Variants in RALYL observed in about 807,000 individuals in gnomAD.
RALYL encodes the protein RNA-binding Raly-like protein.
A neutral mutation model predicts 35.1 loss-of-function variants in RALYL; 29 were observed. The observed-to-expected ratio is 0.83, with a 90% CI of 0.61 to 1.13. The LOEUF (loss-of-function observed/expected upper bound fraction) is 1.13. RALYL is among the 50% of genes most tolerant of loss of function. The pLI, the probability that RALYL is intolerant of heterozygous loss-of-function variation, is 0.00. For missense variants in RALYL, 359 were observed against 360.4 expected (o/e 1.00, Z 0.03); for synonymous variants, 120 against 127.6 (o/e 0.94, Z 0.40).
chr8:84,794,766 C>G (rs1821531278), intron 3 of RALYL, among the ~76,000 whole-genome samples: 2 of 152,182 alleles, frequency 1.3e-5, no homozygotes, highest in East Asian at 3.9e-4. Context: ...GGAGAATCTG[C>G]CAGTGGTTAA....
intron 1 of RALYL, among the ~76,000 whole-genome samples, chr8:84,391,723 C>T (rs1028316319): frequency 1.3e-5 from 2 of 151,964 alleles, no homozygotes; most frequent in Admixed American, 6.6e-5. Context: ...AGTCTTTACC[C>T]CCCAGTAAGT....
At chr8:84,395,707 CAG>C (rs35848610) in intron 1 of RALYL, among the ~76,000 whole-genome samples, 13,911 of 151,868 alleles carry the variant, frequency 0.092, 940 homozygotes, top group African/African-American at 0.19. Context: ...AGTCTAATAA[CAG>C]AGAACATTTG....
chr8:84,260,497 T>C (rs924546656), intron 1 of RALYL, among the ~76,000 whole-genome samples: 1 of 152,124 alleles, frequency 6.6e-6, no homozygotes, highest in Admixed American at 6.6e-5. Context: ...AGAGAGAACA[T>C]GGAAGCTGCC....
rs191757441 is a variant in RALYL, at chr8:84,454,140, C to T, written c.-23-75159C>T. 2.0e-5 allele frequency among the ~76,000 whole-genome samples: 3 copies of T among 151,912 alleles called. No homozygotes were observed. The East Asian group carries it at 5.9e-4, about 30-fold the overall frequency. On this transcript the variant is annotated intron_variant, in intron 1 of 8. Transcript: ENST00000521268. ...ATATACTGTGATGTGGGGTGTGTGC[C>T]ACGTGGGCATCAGCAAGGAAGAGAT...
At chr8:84,761,013 CTG>C (rs1379121013) in intron 2 of RALYL, among the ~76,000 whole-genome samples, 2 of 152,004 alleles carry the variant, frequency 1.3e-5, no homozygotes, top group African/African-American at 4.8e-5. Flanking sequence ...TAAAAGCACT[CTG>C]TGAATGGAGG....
At chr8:84,670,562 T>G (rs1833007580) in intron 2 of RALYL, among the ~76,000 whole-genome samples, 1 of 152,196 alleles carries the variant, frequency 6.6e-6, no homozygotes, top group African/African-American at 2.4e-5. Context: ...TATTTCCACA[T>G]AGCTGGGAAG....
intron 2 of RALYL, among the ~76,000 whole-genome samples, chr8:84,763,192 T>C (rs1349016149): frequency 1.3e-5 from 2 of 152,090 alleles, no homozygotes; most frequent in African/African-American, 2.4e-5. Flanking sequence ...ATTAAGTCCA[T>C]ATATACGCGT....
chr8:84,342,759 G>A (rs965978138), intron 1 of RALYL, among the ~76,000 whole-genome samples: 1 of 151,972 alleles, frequency 6.6e-6, no homozygotes, highest in African/African-American at 2.4e-5. Flanking sequence ...TTCCTTTGGT[G>A]TATGAACATA....
intron 1 of RALYL, among the ~76,000 whole-genome samples, chr8:84,526,657 G>T (rs1370673762): frequency 6.6e-6 from 1 of 152,158 alleles, no homozygotes; most frequent in Non-Finnish European, 1.5e-5. Flanking sequence ...TAGCTCTCTT[G>T]TCTCAAGAAA....
At chr8:84,826,572 G>A (rs1454674062) in intron 4 of RALYL, among the ~76,000 whole-genome samples, 2 of 152,032 alleles carry the variant, frequency 1.3e-5, no homozygotes, top group East Asian at 3.9e-4. Context: ...TCTCTATTTG[G>A]GAATTAGCAG....
intron 2 of RALYL, among the ~76,000 whole-genome samples, chr8:84,773,198 C>G (rs1815974374): frequency 6.6e-6 from 1 of 152,122 alleles, no homozygotes; most frequent in African/African-American, 2.4e-5. Context: ...TGTTCTTTTT[C>G]CATTTGATTT....
At chr8:84,228,009 A>G (rs207469475) in intron 1 of RALYL, among the ~76,000 whole-genome samples, 1 of 152,138 alleles carries the variant, frequency 6.6e-6, no homozygotes, top group Non-Finnish European at 1.5e-5. Context: ...ACAGATAGCT[A>G]CATTACACAA....
chr8:84,425,199 G>A (rs1397027614), intron 1 of RALYL, among the ~76,000 whole-genome samples: 3 of 152,100 alleles, frequency 2.0e-5, no homozygotes, highest in South Asian at 2.1e-4. Context: ...AGCAATCAGC[G>A]AGATTCCGTG....
chr8:84,191,444 A>G (rs1173558598), intron 1 of RALYL, among the ~76,000 whole-genome samples: 1 of 152,190 alleles, frequency 6.6e-6, no homozygotes, highest in African/African-American at 2.4e-5. Context: ...GGAAGCAATG[A>G]GCCCTTCTAG....
At chr8:84,797,543 CCA>C (rs893769791) in intron 3 of RALYL, among the ~76,000 whole-genome samples, 4 of 152,084 alleles carry the variant, frequency 2.6e-5, no homozygotes, top group African/African-American at 9.7e-5. Context: ...TAGGAATCAG[CCA>C]CATTGTTTTT....
rs139815940 is a variant in RALYL, at chr8:84,362,671, C to T, written c.-23-166628C>T. On this transcript the variant is annotated intron_variant, in intron 1 of 8. Transcript: ENST00000521268. ...CATCTGAGGTGAAACACTTTTATCC[C>T]AAAAATCATCTCCCCAACCCCTAGT... is the stretch of plus-strand genomic sequence containing the variant. Among the ~76,000 whole-genome samples the T allele has an allele frequency of 1.4e-4, 21 of 152,150 alleles. No homozygotes were observed. In the East Asian group the frequency reaches 3.9e-3, roughly 28 times the overall value.
intron 1 of RALYL, among the ~76,000 whole-genome samples, chr8:84,414,692 G>A (rs1051715264): frequency 1.3e-5 from 2 of 152,064 alleles, no homozygotes; most frequent in African/African-American, 4.8e-5. Context: ...TCCTAATATC[G>A]GGAAATGAAT....
intron 1 of RALYL, among the ~76,000 whole-genome samples, chr8:84,200,595 T>C (rs1816619128): frequency 1.3e-5 from 2 of 152,152 alleles, no homozygotes. Flanking sequence ...CCACAACAGT[T>C]TTGACATTTG....
chr8:84,577,401 T>A (rs1809724562), intron 2 of RALYL, among the ~76,000 whole-genome samples: 1 of 152,124 alleles, frequency 6.6e-6, no homozygotes, highest in Non-Finnish European at 1.5e-5. Flanking sequence ...TGGTGGGTGG[T>A]AAAGAAAAGA....
Sources: allele counts gnomAD v4.1 joint callset (sites outside exome capture counted in the v4.1 genomes callset), GRCh38; gene constraint gnomAD v4.1.1; transcripts MANE v1.5; gene names NCBI Gene and HGNC (gene_info 2026-07-23, HGNC 2026-07-21).